The following ZFYVE27 variants were observed in gnomAD, a reference collection of about 807,000 sequenced individuals.
ZFYVE27 encodes protrudin.
In ZFYVE27, 36 loss-of-function variants were observed where a neutral mutation model predicts 52.8. The ratio of observed to expected loss-of-function variants is 0.68; its 90% CI spans 0.52 to 0.90. The LOEUF (loss-of-function observed/expected upper bound fraction) is 0.90, where lower values mean the gene tolerates loss of function less well. Among genes scored for constraint, ZFYVE27 ranks in the 40% least tolerant of loss-of-function variants. The pLI is 0.00. For synonymous variants in ZFYVE27, 223 were observed against 215.6 expected, an observed-to-expected ratio of 1.03 and a Z score of -0.30; for missense variants, 450 against 527.2, an observed-to-expected ratio of 0.85 and a Z score of 1.43.
intron 12 of ZFYVE27, chr10:97,758,026 TC>T: frequency 3.7e-6 from 1 of 269,506 alleles, no homozygotes; most frequent in Non-Finnish European, 7.0e-6. Flanking sequence ...GCTCCTGCCT[TC>T]CTGGAGTCAA....
At chr10:97,754,717 C>G in intron 10 of ZFYVE27, 2 of 1,289,386 alleles carry the variant, frequency 1.6e-6, no homozygotes, top group African/African-American at 3.0e-5. Context: ...TCATTTCATC[C>G]TTACCGTAGG....
At chr10:97,749,811 C>T (rs2046447719) in intron 6 of ZFYVE27, among the ~76,000 whole-genome samples, 1 of 152,236 alleles carries the variant, frequency 6.6e-6, no homozygotes, top group Non-Finnish European at 1.5e-5. Context: ...TCTCCCTTCG[C>T]TCCCTTCCCA....
chr10:97,755,703 G>A (rs2048180655), intron 10 of ZFYVE27, among the ~76,000 whole-genome samples: 1 of 152,196 alleles, frequency 6.6e-6, no homozygotes, highest in African/African-American at 2.4e-5. Flanking sequence ...GGGGGTGCAT[G>A]GGGAGAATGA....
intron 3 of ZFYVE27, among the ~76,000 whole-genome samples, chr10:97,743,577 C>T (rs1217056261): frequency 2.0e-5 from 3 of 152,160 alleles, no homozygotes; most frequent in South Asian, 2.1e-4. Context: ...GACCTTTTTC[C>T]ATTTTGGTTT....
At chr10:97,758,644 C>G (rs982142417) in intron 12 of ZFYVE27, among the ~76,000 whole-genome samples, 6 of 152,122 alleles carry the variant, frequency 3.9e-5, no homozygotes, top group African/African-American at 1.4e-4. Flanking sequence ...TCTTCCGATG[C>G]AAGTAACATA....
At chr10:97,747,772 G>A (rs1013109609) in intron 4 of ZFYVE27, among the ~76,000 whole-genome samples, 3 of 151,938 alleles carry the variant, frequency 2.0e-5, no homozygotes, top group Non-Finnish European at 4.4e-5. Context: ...ATGTTTCCTG[G>A]TTTCCCTTCA....
chr10:97,760,711 A>AG lies in ZFYVE27; in HGVS notation c.*1415dup, dbSNP rs1209600983. ...GCAGCTTAGCTGGGGCTGTGCAGCCAGGGGCTTACCCAGGCCAGTGGAGGT... is the reference window on the plus strand; with the variant it reads ...GCAGCTTAGCTGGGGCTGTGCAGCCAGGGGGCTTACCCAGGCCAGTGGAGGT... On this transcript the variant is annotated 3_prime_UTR_variant, in exon 13 of 13. Transcript: ENST00000684270. The AG allele has an allele frequency of 1.3e-5, 2 of 152,266 alleles. No homozygotes were observed. The highest frequency in any genetic ancestry group is 4.8e-5 in the African/African-American group (2 of 41,464). 9.4% of individuals were successfully genotyped at this position (152,266 alleles called of 1,614,324 possible).
intron 6 of ZFYVE27, chr10:97,749,982 A>C: frequency 2.4e-6 from 1 of 415,218 alleles, no homozygotes; most frequent in South Asian, 2.2e-5. Flanking sequence ...TGGCTTCTAA[A>C]GCGCTGAGGC....
At chr10:97,756,492 G>A (rs1340709709) in intron 10 of ZFYVE27, among the ~76,000 whole-genome samples, 1 of 152,156 alleles carries the variant, frequency 6.6e-6, no homozygotes, top group African/African-American at 2.4e-5. Context: ...CAGGTGGTCC[G>A]GCTGGGTCAT....
At chr10:97,751,339 A>G in intron 7 of ZFYVE27, 52 bp from the exon 8 acceptor site, 1 of 1,599,638 alleles carries the variant, frequency 6.3e-7, no homozygotes, top group Non-Finnish European at 8.6e-7. Flanking sequence ...CCTCTGCCTT[A>G]GGGAGCAGCG....
At chr10:97,754,312 C>A (rs1424935537) in intron 10 of ZFYVE27, among the ~76,000 whole-genome samples, 1 of 117,156 alleles carries the variant, frequency 8.5e-6, no homozygotes, top group Non-Finnish European at 1.9e-5. Context: ...ATTCAAGATC[C>A]CTTTTTTTTT....
intron 10 of ZFYVE27, among the ~76,000 whole-genome samples, chr10:97,755,234 C>A (rs1343789657): frequency 6.6e-6 from 1 of 152,244 alleles, no homozygotes; most frequent in Non-Finnish European, 1.5e-5. Flanking sequence ...TTCCCAAGCT[C>A]TTTGCCATGA....
At chr10:97,741,556 T>C (rs923856710) in intron 2 of ZFYVE27, among the ~76,000 whole-genome samples, 1 of 151,630 alleles carries the variant, frequency 6.6e-6, no homozygotes, top group Non-Finnish European at 1.5e-5. Flanking sequence ...TAAGTGGGAG[T>C]TGAACAGTGA....
At chr10:97,757,757 G>T (rs780098291) in intron 12 of ZFYVE27, 34 bp downstream of exon 12, 2 of 1,606,788 alleles carry the variant, frequency 1.2e-6, no homozygotes, top group Admixed American at 3.3e-5. Flanking sequence ...GGCTTGGTTG[G>T]TATCCCGCCC....
chr10:97,757,577 G>T, intron 11 of ZFYVE27, 65 bp from the exon 12 acceptor site: 1 of 1,534,010 alleles, frequency 6.5e-7, no homozygotes, highest in South Asian at 1.1e-5. Flanking sequence ...GGAAAGGAGG[G>T]AGGTGCTGAG....
intron 10 of ZFYVE27, among the ~76,000 whole-genome samples, chr10:97,756,756 C>A (rs1376389671): frequency 1.3e-5 from 2 of 152,234 alleles, no homozygotes; most frequent in African/African-American, 4.8e-5. Context: ...TTCTACCCTT[C>A]ATGTCTTCTT....
At chr10:97,758,642 T>C (rs931410340) in intron 12 of ZFYVE27, among the ~76,000 whole-genome samples, 3 of 152,232 alleles carry the variant, frequency 2.0e-5, no homozygotes, top group Non-Finnish European at 4.4e-5. Flanking sequence ...TTTCTTCCGA[T>C]GCAAGTAACA....
intron 10 of ZFYVE27, among the ~76,000 whole-genome samples, 172 bp downstream of exon 10, chr10:97,753,354 C>T (rs553958668): frequency 4.6e-5 from 7 of 152,142 alleles, no homozygotes; most frequent in East Asian, 3.9e-4. Flanking sequence ...AGCAGATGCC[C>T]GGCAGGACTG....
At chr10:97,745,521 C>G (rs900179815) in intron 4 of ZFYVE27, among the ~76,000 whole-genome samples, 2 of 152,210 alleles carry the variant, frequency 1.3e-5, no homozygotes, top group African/African-American at 4.8e-5. Flanking sequence ...CTTGACTAAG[C>G]ATGTGCATGT....
Sources: gnomAD v4.1 joint callset for allele counts (sites outside exome capture counted in the v4.1 genomes callset) on GRCh38, gnomAD v4.1.1 for gene constraint, MANE v1.5 for transcripts, NCBI Gene and HGNC (gene_info 2026-07-23, HGNC 2026-07-21) for gene names.